The following NEDD4L variants were observed in gnomAD, a reference collection of about 807,000 sequenced individuals.
The protein encoded by NEDD4L is NEDD4 like E3 ubiquitin protein ligase.
NEDD4L carries 54 observed loss-of-function variants against 148.9 expected under a neutral mutation model. That is an observed-to-expected ratio of 0.36 (90% CI 0.29 to 0.45). NEDD4L has a LOEUF of 0.45. NEDD4L is among the 20% of genes least tolerant of loss of function. The pLI is 1.00. For synonymous variants in NEDD4L, 433 were observed against 440.7 expected (o/e 0.98, Z 0.22); for missense variants, 856 against 1,233.8 (o/e 0.69, Z 4.59).
chr18:58,064,652 C>A (rs192087905), intron 1 of NEDD4L, among the ~76,000 whole-genome samples: 53 of 152,320 alleles, frequency 3.5e-4, no homozygotes, highest in African/African-American at 1.2e-3. Flanking sequence ...CTGTTGTCAT[C>A]TTGATCCTGA....
chr18:58,212,447 A>G (rs550451), intron 2 of NEDD4L, among the ~76,000 whole-genome samples: 68,500 of 152,012 alleles, frequency 0.45, 16,772 homozygotes, highest in African/African-American at 0.64. Flanking sequence ...GAGTGTATGC[A>G]GGGGAACTCC....
chr18:58,309,646 CA>C, intron 5 of NEDD4L, among the ~76,000 whole-genome samples: 1 of 151,852 alleles, frequency 6.6e-6, no homozygotes, highest in South Asian at 2.1e-4. Flanking sequence ...CCAGTGTTCG[CA>C]CCCCCAGTTT....
At chr18:58,382,595 T>C (rs1402918877) in intron 24 of NEDD4L, among the ~76,000 whole-genome samples, 1 of 152,142 alleles carries the variant, frequency 6.6e-6, no homozygotes, top group African/African-American at 2.4e-5. Context: ...TATGTGGCCT[T>C]ATGGTAAGCT....
intron 1 of NEDD4L, among the ~76,000 whole-genome samples, chr18:58,104,215 G>A (rs532726638): frequency 1.3e-5 from 2 of 152,314 alleles, no homozygotes; most frequent in Admixed American, 1.3e-4. Flanking sequence ...AGATACAAAG[G>A]TCACATATGA....
intron 2 of NEDD4L, among the ~76,000 whole-genome samples, chr18:58,234,050 TTTC>T (rs2045598805): frequency 2.2e-5 from 2 of 89,154 alleles, no homozygotes; most frequent in South Asian, 4.2e-4. Context: ...TTTCCTTTTC[TTTC>T]TTTCTTTCTT....
chr18:58,367,675 G>T (rs2046305405), intron 21 of NEDD4L, 71 bp from the exon 22 acceptor site: 1 of 1,559,768 alleles, frequency 6.4e-7, no homozygotes, highest in East Asian at 2.2e-5. Flanking sequence ...TGAGTGACAG[G>T]TGGCAAACAA....
At chr18:58,143,473 G>A (rs771382847) in intron 1 of NEDD4L, among the ~76,000 whole-genome samples, 12 of 152,194 alleles carry the variant, frequency 7.9e-5, no homozygotes, top group East Asian at 1.9e-4. Flanking sequence ...CTTATCTGCC[G>A]AAATGCCCGC....
intron 26 of NEDD4L, among the ~76,000 whole-genome samples, chr18:58,387,043 G>T (rs2049125400): frequency 6.6e-6 from 1 of 152,030 alleles, no homozygotes; most frequent in Admixed American, 6.6e-5. Context: ...CCCATCACCT[G>T]CCTCCCTCTG....
intron 5 of NEDD4L, among the ~76,000 whole-genome samples, chr18:58,262,876 C>T (rs913807062): frequency 6.6e-6 from 1 of 152,100 alleles, no homozygotes; most frequent in Admixed American, 6.6e-5. Flanking sequence ...CGGGCACTTT[C>T]CTGGTCTCTA....
chr18:58,104,457 G>A (rs9953645), intron 1 of NEDD4L, among the ~76,000 whole-genome samples: 15,148 of 152,162 alleles, frequency 0.1, 830 homozygotes, highest in African/African-American at 0.11. Flanking sequence ...TACTAAATGC[G>A]CTTAATTGTT....
At chr18:58,058,300 A>G (rs2082177455) in intron 1 of NEDD4L, among the ~76,000 whole-genome samples, 1 of 152,176 alleles carries the variant, frequency 6.6e-6, no homozygotes, top group Non-Finnish European at 1.5e-5. Flanking sequence ...GCGAGACTCC[A>G]TCTCAAAAAG....
chr18:58,180,095 T>C (rs549737268), intron 2 of NEDD4L, among the ~76,000 whole-genome samples: 45 of 152,312 alleles, frequency 3.0e-4, no homozygotes, highest in African/African-American at 1.0e-3. Context: ...CAGACCATGT[T>C]CCTGCCTGGG....
At chr18:58,388,977 C>G in intron 27 of NEDD4L, 108 bp from the exon 28 acceptor site, 1 of 839,358 alleles carries the variant, frequency 1.2e-6, no homozygotes, top group Non-Finnish European at 2.0e-6. Flanking sequence ...TGCTAGCTTA[C>G]CTTCGCGGCA....
chr18:58,357,030 T>C (rs1322603445), intron 18 of NEDD4L, among the ~76,000 whole-genome samples, 164 bp from the exon 19 acceptor site: 1 of 152,202 alleles, frequency 6.6e-6, no homozygotes, highest in East Asian at 1.9e-4. Context: ...ATATAGACTG[T>C]AGTTACCTGC....
At chr18:58,111,446 C>G (rs1944622131) in intron 1 of NEDD4L, among the ~76,000 whole-genome samples, 2 of 152,222 alleles carry the variant, frequency 1.3e-5, no homozygotes, top group African/African-American at 4.8e-5. Context: ...ACACATCCCT[C>G]TCCCCATCCC....
At chr18:58,280,868 A>T (rs971892357) in intron 5 of NEDD4L, among the ~76,000 whole-genome samples, 1 of 152,234 alleles carries the variant, frequency 6.6e-6, no homozygotes, top group African/African-American at 2.4e-5. Flanking sequence ...AAAATGACTG[A>T]TGTAATTTGG....
intron 2 of NEDD4L, among the ~76,000 whole-genome samples, chr18:58,241,104 C>T (rs1342469117): frequency 6.6e-6 from 1 of 152,214 alleles, no homozygotes; most frequent in East Asian, 1.9e-4. Context: ...GCCTCCACAC[C>T]CAGCCAGCAG....
intron 2 of NEDD4L, among the ~76,000 whole-genome samples, chr18:58,234,089 CTTTCTTTCTTTCTTTTCT>C (rs1431023877): frequency 1.0e-5 from 1 of 97,246 alleles, no homozygotes; most frequent in Non-Finnish European, 2.0e-5. Flanking sequence ...TTCTTTCTTT[CTTTCTTTCTTTCTTTTCT>C]TTTCTTTTCT....
At chr18:58,129,472 C>T (rs1042720700) in intron 1 of NEDD4L, among the ~76,000 whole-genome samples, 1 of 152,212 alleles carries the variant, frequency 6.6e-6, no homozygotes, top group Non-Finnish European at 1.5e-5. Flanking sequence ...GTTCTGGAAG[C>T]TTCTCCACTA....
Sources: allele counts gnomAD v4.1 joint callset (sites outside exome capture counted in the v4.1 genomes callset), GRCh38; gene constraint gnomAD v4.1.1; transcripts MANE v1.5; gene names NCBI Gene and HGNC (gene_info 2026-07-23, HGNC 2026-07-21).